The following FGF13 variants were observed in gnomAD, a reference collection of about 807,000 sequenced individuals.
FGF13 encodes the protein fibroblast growth factor 13.
In FGF13, 2 loss-of-function variants were observed where a neutral mutation model predicts 19.5. The observed-to-expected ratio is 0.10, with a 90% CI of 0.04 to 0.32. The LOEUF is 0.32. FGF13 is among the 10% of genes least tolerant of loss of function. The pLI is 1.00. For synonymous variants in FGF13, 72 were observed against 76.9 expected, an observed-to-expected ratio of 0.94 and a Z score of 0.33; for missense variants, 113 against 192.7, an observed-to-expected ratio of 0.59 and a Z score of 2.45.
chrX:139,174,211 T>C (rs1318602311), intron 1 of FGF13, among the ~76,000 whole-genome samples: 1 of 112,625 alleles, frequency 8.9e-6, no homozygotes, highest in African/African-American at 3.2e-5. Context: ...TCTTGAGAAG[T>C]GTCTGTTCAT....
chrX:138,724,497 G>A (rs2090170824), intron 1 of FGF13, among the ~76,000 whole-genome samples: 1 of 111,939 alleles, frequency 8.9e-6, no homozygotes, highest in Non-Finnish European at 1.9e-5. Flanking sequence ...TCAGTACTAT[G>A]TTAAAAAGGA....
rs144520986 is a variant in FGF13, at chrX:138,842,157, C to T, written c.217+15355G>A. Among the ~76,000 whole-genome samples, 89 of 111,991 alleles carry T rather than the reference C, an allele frequency of 7.9e-4. No individual in the cohort carries two copies. In the East Asian group the frequency reaches 0.022, roughly 27 times the overall value. Reference sequence around the variant, plus strand: ...CAATGAAAAGATTTTTCTGAATGAGCTTATATTTGAGCCTGAGCCCATGAT... The same window carrying T: ...CAATGAAAAGATTTTTCTGAATGAGTTTATATTTGAGCCTGAGCCCATGAT... On this transcript the variant is annotated intron_variant, in intron 3 of 6. Transcript: ENST00000436198.
chrX:138,736,241 T>C (rs770877518), intron 1 of FGF13, among the ~76,000 whole-genome samples: 6 of 111,989 alleles, frequency 5.4e-5, no homozygotes, highest in Admixed American at 3.8e-4. Context: ...TCACTTGTAA[T>C]AGTTTTCTCA....
chrX:139,148,150 C>T (rs1200720270), intron 1 of FGF13, among the ~76,000 whole-genome samples: 1 of 110,978 alleles, frequency 9.0e-6, no homozygotes, highest in African/African-American at 3.3e-5. Context: ...TGTACTTAGA[C>T]ACTTACCAAC....
intron 1 of FGF13, among the ~76,000 whole-genome samples, chrX:139,000,040 T>C (rs1194924199): frequency 2.7e-5 from 3 of 111,617 alleles, no homozygotes; most frequent in Non-Finnish European, 5.6e-5. Flanking sequence ...CATACACAAA[T>C]CAATAAACAT....
intron 3 of FGF13, among the ~76,000 whole-genome samples, chrX:138,751,372 G>T (rs1051225509): frequency 9.0e-6 from 1 of 111,093 alleles, no homozygotes; most frequent in African/African-American, 3.3e-5. Flanking sequence ...ACTTCAAAGT[G>T]ATCCATGCTC....
At chrX:138,909,793 G>T (rs1335122692) in intron 1 of FGF13, among the ~76,000 whole-genome samples, 2 of 111,754 alleles carry the variant, frequency 1.8e-5, no homozygotes, top group Admixed American at 9.5e-5. Flanking sequence ...TGTTTATGAG[G>T]ATTAAACTAG....
At position 139,109,062 on chromosome X, in the gene FGF13, A is replaced by C. The variant is rs775815783; in HGVS notation, c.-113+94354T>G. On this transcript the variant is annotated intron_variant, in intron 1 of 2. Coordinates refer to the FGF13 transcript ENST00000421460. ...CAAAGTACACATGGATTTTTAAAAC[A>C]GCAATGACATATAGTTATGTTGTTT... Among the ~76,000 whole-genome samples the C allele has an allele frequency of 3.6e-3, 408 of 112,162 alleles. 3 individuals carry two copies. The highest frequency in any genetic ancestry group is 0.012 in the African/African-American group (384 of 30,879).
intron 1 of FGF13, among the ~76,000 whole-genome samples, chrX:138,930,579 A>G (rs1000303625): frequency 6.2e-5 from 7 of 112,009 alleles, no homozygotes; most frequent in Admixed American, 4.8e-4. Context: ...TTAAAGTCAA[A>G]AATAGTCATT....
intron 1 of FGF13, among the ~76,000 whole-genome samples, chrX:139,162,885 G>A (rs1006589251): frequency 8.9e-6 from 1 of 112,052 alleles, no homozygotes; most frequent in African/African-American, 3.3e-5. Context: ...TAAAAAGTCA[G>A]GAAACAACAG....
intron 3 of FGF13, among the ~76,000 whole-genome samples, chrX:138,816,835 C>A (rs1366410947): frequency 9.0e-6 from 1 of 111,729 alleles, no homozygotes; most frequent in Non-Finnish European, 1.9e-5. Flanking sequence ...AATTCTTCTT[C>A]TTCCAATATG....
chrX:138,763,436 T>C (rs751893318), intron 3 of FGF13, among the ~76,000 whole-genome samples: 1 of 112,090 alleles, frequency 8.9e-6, no homozygotes, highest in Non-Finnish European at 1.9e-5. Context: ...AGTCCTTGCA[T>C]TGTCACATCC....
rs376668316 is a variant in FGF13 at position 138,644,370 on chromosome X, C to T, written c.403-8715G>A. Among the ~76,000 whole-genome samples, 34 of 110,929 alleles carry T rather than the reference C, an allele frequency of 3.1e-4. No individual in the cohort carries two copies. The Middle Eastern group carries it at 0.014, about 45-fold the overall frequency. On this transcript the variant is annotated intron_variant, in intron 3 of 4. Transcript: ENST00000315930. ...TTGGCTCCCTGCAACCTCCACCTCC[C>T]GGGTTCAAGGGATTCTCCTGCCTCA...
Position 138,739,216 on chromosome X carries a change from A to G in FGF13, c.28+26T>C, listed in dbSNP as rs750072843. 1.4e-5 allele frequency: 13 copies of G among 916,077 alleles called. No individual in the cohort carries two copies. The South Asian group carries it at 2.6e-4, about 18-fold the overall frequency. The allele number at this position is 916,077 out of a possible 1,213,427, so 75.5% of individuals were successfully genotyped here. A position where few individuals can be genotyped will look rare whatever the true frequency, so the allele number is the denominator to read the frequency against. ...ATAAACATTCAAATCTATGTCCATC[A>G]AAAACATTGCAGAAATAAATCTTAC... On this transcript the variant is annotated intron_variant, in intron 1 of 4. Coordinates refer to the FGF13 transcript ENST00000305414.
chrX:139,005,204 C>A (rs501993), intron 1 of FGF13, among the ~76,000 whole-genome samples: 9,380 of 68,710 alleles, frequency 0.14, 1,236 homozygotes, highest in African/African-American at 0.31. Flanking sequence ...CCCCCCCCCC[C>A]CCCCCAGCTC....
At chrX:139,105,145 G>A (rs1038167710) in intron 1 of FGF13, among the ~76,000 whole-genome samples, 1 of 110,911 alleles carries the variant, frequency 9.0e-6, no homozygotes, top group Admixed American at 9.7e-5. Flanking sequence ...CAGGTATAAA[G>A]AGTCGTGGAA....
At chrX:138,732,369 A>ACTGG (rs2124291322) in intron 1 of FGF13, among the ~76,000 whole-genome samples, 1 of 112,183 alleles carries the variant, frequency 8.9e-6, no homozygotes, top group East Asian at 2.8e-4. Context: ...AGATACACAA[A>ACTGG]CTGGCATATT....
At chrX:139,077,936 T>C (rs1228951193) in intron 1 of FGF13, among the ~76,000 whole-genome samples, 1 of 111,631 alleles carries the variant, frequency 9.0e-6, no homozygotes, top group Admixed American at 9.6e-5. Context: ...GACTAGCAAG[T>C]GATGGAATCA....
intron 3 of FGF13, among the ~76,000 whole-genome samples, chrX:138,754,640 T>C (rs1243949175): frequency 9.0e-6 from 1 of 111,666 alleles, no homozygotes; most frequent in Admixed American, 9.5e-5. Context: ...AAAAGTTCTT[T>C]ACACTGATAC....
Sources: gnomAD v4.1 joint callset for allele counts (sites outside exome capture counted in the v4.1 genomes callset) on GRCh38, gnomAD v4.1.1 for gene constraint, MANE v1.5 for transcripts, NCBI Gene and HGNC (gene_info 2026-07-23, HGNC 2026-07-21) for gene names.